The following CCDC178 variants were observed in gnomAD, a reference collection of about 807,000 sequenced individuals.
CCDC178 encodes coiled-coil domain-containing protein 178.
CCDC178 carries 126 observed loss-of-function variants against 117.4 expected under a neutral mutation model. The ratio of observed to expected loss-of-function variants is 1.07; its 90% CI spans 0.93 to 1.24. The LOEUF (loss-of-function observed/expected upper bound fraction) is 1.24. Ranked by LOEUF, CCDC178 falls within the 50% of genes most tolerant of loss-of-function variation. CCDC178 has a pLI of 0.00. For synonymous variants in CCDC178, 283 were observed against 313.4 expected (o/e 0.90, Z 1.02); for missense variants, 1,030 against 986.9 (o/e 1.04, Z -0.59).
intron 22 of CCDC178, among the ~76,000 whole-genome samples, chr18:32,943,809 C>T (rs1035866393): frequency 6.6e-6 from 1 of 152,180 alleles, no homozygotes; most frequent in African/African-American, 2.4e-5. Flanking sequence ...AATTTATTGT[C>T]CACTTGATCT....
At chr18:32,983,136 T>C (rs1296971894) in intron 21 of CCDC178, 3 of 498,310 alleles carry the variant, frequency 6.0e-6, no homozygotes, top group South Asian at 3.7e-5. Flanking sequence ...AAAAATAAAA[T>C]CTAAAAAAAA....
chr18:33,085,771 A>G (rs2145048825), intron 21 of CCDC178, among the ~76,000 whole-genome samples: 1 of 152,220 alleles, frequency 6.6e-6, no homozygotes, highest in East Asian at 1.9e-4. Context: ...GGGATTAAAT[A>G]AGCTGTCTAT....
intron 20 of CCDC178, among the ~76,000 whole-genome samples, chr18:33,143,203 A>G (rs1027798796): frequency 2.0e-5 from 3 of 152,180 alleles, no homozygotes; most frequent in Non-Finnish European, 4.4e-5. Context: ...GTCATCACAA[A>G]TAATATGTTT....
In CCDC178 at chr18:33,169,514, C is replaced by A. The variant is rs542330514; in HGVS notation, c.2238+42382G>T. On this transcript the variant is annotated intron_variant, in intron 20 of 22. Transcript: ENST00000383096. ...CATTCTCTAAAAATCTATTCTTGGT[C>A]TATTACCCAAAAACAAAAATTAGAA... Among the ~76,000 whole-genome samples, 87 of 152,236 alleles carry A rather than the reference C, an allele frequency of 5.7e-4. 1 individual carries two copies. The highest frequency in any genetic ancestry group is 3.4e-3 in the Middle Eastern group (1 of 294).
At chr18:33,362,062 C>T (rs1034601674) in intron 6 of CCDC178, among the ~76,000 whole-genome samples, 8 of 151,404 alleles carry the variant, frequency 5.3e-5, no homozygotes, top group African/African-American at 1.9e-4. Flanking sequence ...GAATGTTCAT[C>T]GATGAATAAG....
Position 33,294,406 on chromosome 18 carries a change from A to G in CCDC178, c.1023-1094T>C, listed in dbSNP as rs533578991. Reference sequence around the variant, plus strand: ...TAAGAGTAAAACGTTTATATGTAATAAACTCCTACAAGTCAATATGTAATA... The same window carrying G: ...TAAGAGTAAAACGTTTATATGTAATGAACTCCTACAAGTCAATATGTAATA... On this transcript the variant is annotated intron_variant, in intron 11 of 22. Transcript: ENST00000383096. Among the ~76,000 whole-genome samples the G allele has an allele frequency of 7.0e-4, 107 of 152,328 alleles. 1 individual carries two copies. In the South Asian group the frequency reaches 0.017, roughly 24 times the overall value.
intron 21 of CCDC178, among the ~76,000 whole-genome samples, chr18:33,078,239 T>C (rs1322710298): frequency 1.3e-5 from 2 of 152,160 alleles, no homozygotes; most frequent in African/African-American, 4.8e-5. Flanking sequence ...CATTGTTTCA[T>C]ATTAAAAACT....
intron 11 of CCDC178, among the ~76,000 whole-genome samples, chr18:33,320,651 T>C (rs1568144280): frequency 6.6e-6 from 1 of 152,150 alleles, no homozygotes; most frequent in East Asian, 1.9e-4. Flanking sequence ...ACTGTGAAAA[T>C]GGCCATACTG....
At chr18:33,025,878 G>A (rs983758607) in intron 21 of CCDC178, among the ~76,000 whole-genome samples, 1 of 152,026 alleles carries the variant, frequency 6.6e-6, no homozygotes, top group Non-Finnish European at 1.5e-5. Context: ...TCAGGCATTC[G>A]TCCCAGAGAA....
chr18:33,001,472 C>T (rs1568209955), intron 21 of CCDC178, among the ~76,000 whole-genome samples: 1 of 151,872 alleles, frequency 6.6e-6, no homozygotes, highest in Non-Finnish European at 1.5e-5. Flanking sequence ...GAGATCACGC[C>T]ACTGCACTCC....
intron 21 of CCDC178, among the ~76,000 whole-genome samples, chr18:33,050,085 A>T (rs2056720970): frequency 6.6e-6 from 1 of 151,964 alleles, no homozygotes; most frequent in African/African-American, 2.4e-5. Flanking sequence ...CATCTCAAAA[A>T]TAAATAAATA....
At chr18:33,005,978 C>T (rs903860137) in intron 21 of CCDC178, among the ~76,000 whole-genome samples, 2 of 151,894 alleles carry the variant, frequency 1.3e-5, no homozygotes, top group African/African-American at 2.4e-5. Flanking sequence ...ATTTTCTTTA[C>T]TAGAAAGTTA....
At chr18:33,056,040 T>C (rs572768437) in intron 21 of CCDC178, among the ~76,000 whole-genome samples, 5 of 152,142 alleles carry the variant, frequency 3.3e-5, no homozygotes, top group Non-Finnish European at 7.4e-5. Context: ...TGACCTCAAG[T>C]GATCTGCACA....
chr18:33,088,486 C>G (rs1426932288), intron 21 of CCDC178, among the ~76,000 whole-genome samples: 2 of 152,076 alleles, frequency 1.3e-5, no homozygotes, highest in Non-Finnish European at 2.9e-5. Flanking sequence ...TGCTCCTCAT[C>G]ATATAGATCT....
At chr18:33,116,791 C>T (rs1046130100) in intron 20 of CCDC178, among the ~76,000 whole-genome samples, 4 of 152,074 alleles carry the variant, frequency 2.6e-5, no homozygotes, top group African/African-American at 7.2e-5. Flanking sequence ...AAAGCCTACT[C>T]TCTTTTAAAG....
At chr18:33,411,701 T>C (rs1158632817) in intron 3 of CCDC178, among the ~76,000 whole-genome samples, 1 of 152,168 alleles carries the variant, frequency 6.6e-6, no homozygotes, top group Non-Finnish European at 1.5e-5. Flanking sequence ...CATGGCCAAT[T>C]TGAAGTTACC....
intron 21 of CCDC178, among the ~76,000 whole-genome samples, chr18:33,074,018 G>A (rs2145007329): frequency 6.6e-6 from 1 of 152,088 alleles, no homozygotes; most frequent in East Asian, 1.9e-4. Context: ...TGAGGCTAGT[G>A]GTCAAGGATC....
intron 4 of CCDC178, among the ~76,000 whole-genome samples, chr18:33,394,739 A>G (rs1255538778): frequency 5.3e-5 from 8 of 151,294 alleles, no homozygotes; most frequent in African/African-American, 1.4e-4. Flanking sequence ...AAAGCACATT[A>G]TCTCCCAAAT....
chr18:33,356,020 A>C (rs958083372), intron 7 of CCDC178, among the ~76,000 whole-genome samples: 1 of 152,084 alleles, frequency 6.6e-6, no homozygotes, highest in Non-Finnish European at 1.5e-5. Flanking sequence ...TTCTTCATTG[A>C]ATTTTCCCCT....
Sources: allele counts gnomAD v4.1 joint callset (sites outside exome capture counted in the v4.1 genomes callset), GRCh38; gene constraint gnomAD v4.1.1; transcripts MANE v1.5; gene names NCBI Gene and HGNC (gene_info 2026-07-23, HGNC 2026-07-21).